TGM4: variants seen among roughly 807,000 people sequenced by gnomAD.
TGM4 encodes transglutaminase 4.
A neutral mutation model predicts 76.3 loss-of-function variants in TGM4; 61 were observed. The observed-to-expected ratio is 0.80, with a 90% CI of 0.65 to 0.99. The LOEUF (loss-of-function observed/expected upper bound fraction) is 0.99. Ranked by LOEUF, TGM4 falls within the 50% of genes least tolerant of loss-of-function variation. The pLI, the probability that TGM4 is intolerant of heterozygous loss-of-function variation, is 0.00. For synonymous variants in TGM4, 337 were observed against 329.8 expected (o/e 1.02, Z -0.24); for missense variants, 794 against 843.2 (o/e 0.94, Z 0.72).
At chr3:44,897,531 C>T (rs1699796171) in intron 6 of TGM4, among the ~76,000 whole-genome samples, 1 of 152,178 alleles carries the variant, frequency 6.6e-6, no homozygotes, top group Admixed American at 6.5e-5. Context: ...TCCAGGAAAC[C>T]CCTCAGTCTT....
chr3:44,906,979 C>A lies in TGM4; in HGVS notation c.1106C>A (p.Thr369Asn). The A allele has an allele frequency of 6.2e-7, 1 of 1,614,058 alleles. No individual in the cohort carries two copies. Among genetic ancestry groups the A allele is most frequent in the East Asian group, 2.2e-5 (1 of 44,858 alleles). ...TTCTGCTGTGGGCCATCACCACTGACCGCCATCCGCAAAGGTGACATCTTT... is the reference window on the plus strand; with the variant it reads ...TTCTGCTGTGGGCCATCACCACTGAACGCCATCCGCAAAGGTGACATCTTT... Reference protein sequence around the residue: ...GVFCCGPSPLTAIRKGDIFIV... With the variant: ...GVFCCGPSPLNAIRKGDIFIV... Residue 369 changes from threonine to asparagine, a missense_variant, in exon 10 of 14, where the codon ACC (threonine) becomes AAC (asparagine). Physicochemically the swap from Thr to Asn is moderately conservative, Grantham distance 65. Transcript: ENST00000296125.
chr3:44,911,193 C>A (rs1700000952), intron 12 of TGM4, 66 bp downstream of exon 12: 1 of 1,609,236 alleles, frequency 6.2e-7, no homozygotes, highest in Non-Finnish European at 8.5e-7. Context: ...TGTGACGGGG[C>A]CCCTAAGAAC....
intron 1 of TGM4, among the ~76,000 whole-genome samples, chr3:44,880,552 G>A (rs1699518845): frequency 6.6e-6 from 1 of 152,156 alleles, no homozygotes. Flanking sequence ...GGGGGTGGGG[G>A]AATGTGATTT....
At position 44,901,581 on chromosome 3, in the gene TGM4, G is replaced by A. The variant is rs754161399; in HGVS notation, c.715G>A (p.Gly239Ser). 1.9e-6 allele frequency: 3 copies of A among 1,613,924 alleles called. No individual in the cohort carries two copies. In the South Asian group the frequency reaches 3.3e-5, roughly 18 times the overall value. ...TGGGAATTGGACTGGGGACTACGAA[G>A]GTGGCACAGCCCCATACAAGTGGAC... ...LIGNWTGDYE[G>S]GTAPYKWTGS... is the part of the protein sequence containing the mutation. Residue 239 changes from glycine to serine, a missense_variant, in exon 7 of 14, where the codon GGT becomes AGT. By Grantham distance (56) the Gly-to-Ser change is moderately conservative. Transcript: ENST00000296125.
intron 1 of TGM4, among the ~76,000 whole-genome samples, chr3:44,878,811 G>C (rs552131725): frequency 1.3e-5 from 2 of 151,950 alleles, no homozygotes; most frequent in Non-Finnish European, 2.9e-5. Flanking sequence ...GATTCTTTGT[G>C]GTTCCTAAAT....
intron 5 of TGM4, 128 bp from the exon 6 acceptor site, chr3:44,896,580 TA>T: frequency 1.3e-6 from 1 of 765,508 alleles, no homozygotes. Flanking sequence ...TGGACTTTTT[TA>T]TGAGACTGTA....
chr3:44,911,338 C>T lies in TGM4; in HGVS notation c.1845C>T (p.Ile615=). The T allele has an allele frequency of 6.2e-7, 1 of 1,614,264 alleles. No homozygotes were observed. The highest frequency in any genetic ancestry group is 8.5e-7 in the Non-Finnish European group (1 of 1,180,032). ...GTATCTTCAAGAATACCCTGGCCAT[C>T]CCTTTGACTGACGTCAAGTTCTCTT... ...CNCIFKNTLA[I]PLTDVKFSLE... is the part of the protein sequence containing the mutation. The change falls in exon 13 of 14, where the codon ATC becomes ATT. Residue 615 remains isoleucine (I), a synonymous_variant. Coordinates refer to ENST00000296125, the MANE Select transcript of TGM4 (RefSeq NM_003241.4).
intron 13 of TGM4, 108 bp from the exon 14 acceptor site, chr3:44,913,476 G>A: frequency 2.8e-6 from 4 of 1,416,614 alleles, no homozygotes; most frequent in Non-Finnish European, 3.8e-6. Flanking sequence ...ACTTTTCAAA[G>A]AGGCTGAGCT....
chr3:44,908,244 C>G (rs17077029), intron 10 of TGM4, among the ~76,000 whole-genome samples: 8,348 of 152,226 alleles, frequency 0.055, 724 homozygotes, highest in African/African-American at 0.18. Context: ...TCAGAATGGA[C>G]GTGGATGGAG....
At chr3:44,885,276 A>G in intron 1 of TGM4, 49 bp from the exon 2 acceptor site, 1 of 1,544,548 alleles carries the variant, frequency 6.5e-7, no homozygotes, top group Non-Finnish European at 8.8e-7. Context: ...GTGATCAGGG[A>G]ATAAACATTC....
intron 1 of TGM4, among the ~76,000 whole-genome samples, chr3:44,881,194 G>A (rs887925999): frequency 5.3e-5 from 8 of 151,686 alleles, no homozygotes; most frequent in Non-Finnish European, 1.2e-4. Context: ...ACAGAGCAAG[G>A]CCCTGTATTA....
intron 4 of TGM4, among the ~76,000 whole-genome samples, 183 bp from the exon 5 acceptor site, chr3:44,893,394 C>A (rs1017534420): frequency 2.0e-5 from 3 of 152,188 alleles, no homozygotes; most frequent in Non-Finnish European, 4.4e-5. Context: ...AAGTCCCCTA[C>A]AGCTGGCTCG....
chr3:44,890,776 G>T, intron 4 of TGM4, 44 bp downstream of exon 4: 1 of 1,608,328 alleles, frequency 6.2e-7, no homozygotes, highest in Non-Finnish European at 8.5e-7. Flanking sequence ...AGGTGACCCC[G>T]GCAAAACCTG....
chr3:44,883,216 C>T (rs1699556247), intron 1 of TGM4, among the ~76,000 whole-genome samples: 1 of 152,190 alleles, frequency 6.6e-6, no homozygotes, highest in Non-Finnish European at 1.5e-5. Context: ...ATTGCAGCTC[C>T]TGACAGCATG....
At chr3:44,895,165 C>T (rs867688719) in intron 5 of TGM4, among the ~76,000 whole-genome samples, 7 of 152,016 alleles carry the variant, frequency 4.6e-5, no homozygotes, top group African/African-American at 1.7e-4. Flanking sequence ...CGTGGTGGCA[C>T]GTGCCTGTAA....
At chr3:44,881,764 G>A (rs189639880) in intron 1 of TGM4, among the ~76,000 whole-genome samples, 3 of 152,244 alleles carry the variant, frequency 2.0e-5, no homozygotes, top group Non-Finnish European at 2.9e-5. Flanking sequence ...AAAGTATATC[G>A]CCATCTGGAG....
At chr3:44,885,029 C>G (rs890009629) in intron 1 of TGM4, among the ~76,000 whole-genome samples, 1 of 152,212 alleles carries the variant, frequency 6.6e-6, no homozygotes, top group Non-Finnish European at 1.5e-5. Flanking sequence ...GTTTCCTCAC[C>G]TGTAAGATGG....
chr3:44,879,511 C>T (rs189522440), intron 1 of TGM4, among the ~76,000 whole-genome samples: 239 of 141,830 alleles, frequency 1.7e-3, no homozygotes, highest in African/African-American at 5.1e-3. Flanking sequence ...CTCACTCTGT[C>T]GCCCAGGCTG....
chr3:44,896,768 C>A lies in TGM4; in HGVS notation c.609C>A (p.Pro203=). The A allele has an allele frequency of 6.2e-7, 1 of 1,614,124 alleles. No individual in the cohort carries two copies. Among genetic ancestry groups the A allele is most frequent in the South Asian group, 1.1e-5 (1 of 91,078 alleles). The change falls in exon 6 of 14, where the codon CCC becomes CCA. Residue 203 remains proline (P), a synonymous_variant. Coordinates refer to ENST00000296125, the MANE Select transcript of TGM4 (RefSeq NM_003241.4). The part of the protein sequence containing the change: ...ISLLTESSLK[P]TDRRDPVLVC... ...TGCTGACTGAGAGCTCCCTCAAGCC[C>A]ACAGATAGGAGGGACCCCGTGCTGG... is the stretch of plus-strand genomic sequence containing the variant.
Sources: gnomAD v4.1 joint callset for allele counts (sites outside exome capture counted in the v4.1 genomes callset) on GRCh38, gnomAD v4.1.1 for gene constraint, MANE v1.5 for transcripts, NCBI Gene and HGNC (gene_info 2026-07-23, HGNC 2026-07-21) for gene names.